ARMC10: variants seen among roughly 807,000 people sequenced by gnomAD.
The protein encoded by ARMC10 is armadillo repeat-containing protein 10.
ARMC10 carries 23 observed loss-of-function variants against 30.2 expected under a neutral mutation model. The observed-to-expected ratio is 0.76, with a 90% confidence interval of 0.55 to 1.08. The LOEUF (loss-of-function observed/expected upper bound fraction) is 1.08. Among genes scored for constraint, ARMC10 ranks in the 50% least tolerant of loss-of-function variants. The pLI is 0.00. For synonymous variants in ARMC10, 111 were observed against 164.4 expected, an observed-to-expected ratio of 0.68 and a Z score of 2.48; for missense variants, 303 against 413.7, an observed-to-expected ratio of 0.73 and a Z score of 2.32.
chr7:103,081,975 CT>C, intron 2 of ARMC10: 3 of 455,566 alleles, frequency 6.6e-6, no homozygotes, highest in East Asian at 6.9e-5. Flanking sequence ...ACCCCTGTGA[CT>C]TTAGGCAGAT....
intron 2 of ARMC10, among the ~76,000 whole-genome samples, chr7:103,076,937 C>T (rs6958836): frequency 0.14 from 20,569 of 152,208 alleles, 1,487 homozygotes; most frequent in Middle Eastern, 0.2. Context: ...CACCCAGGCT[C>T]GGTGCAGTGG....
In ARMC10 at chr7:103,083,589, G is replaced by A. The variant is rs918617837; in HGVS notation, c.245-93G>A. The A allele has an allele frequency of 8.7e-6, 10 of 1,152,032 alleles. No homozygotes were observed. In the East Asian group the frequency reaches 9.7e-5, roughly 11 times the overall value. 71.4% of individuals were successfully genotyped at this position (1,152,032 alleles called of 1,614,324 possible). A position where few individuals can be genotyped will look rare whatever the true frequency, so the allele number is the denominator to read the frequency against. On this transcript the variant is annotated intron_variant, in intron 2 of 6. Coordinates refer to ENST00000323716, the MANE Select transcript of ARMC10 (RefSeq NM_031905.5). ...TGTAGTGAGCCATGATTGTGCCACC[G>A]CACACCAGCCTGGGTGACAGAGTGA...
At chr7:103,077,305 A>T (rs199671764) in intron 2 of ARMC10, among the ~76,000 whole-genome samples, 5 of 130,458 alleles carry the variant, frequency 3.8e-5, no homozygotes, top group African/African-American at 2.7e-5. Context: ...TTTTTTTTTT[A>T]AAGATTTGTA....
At chr7:103,078,962 T>C (rs117455301) in intron 2 of ARMC10, among the ~76,000 whole-genome samples, 4,133 of 152,246 alleles carry the variant, frequency 0.027, 99 homozygotes, top group Non-Finnish European at 0.036. Flanking sequence ...TAAGCTGTGA[T>C]TGTGCCGCTG....
At chr7:103,078,462 A>G (rs1800092248) in intron 2 of ARMC10, among the ~76,000 whole-genome samples, 1 of 152,142 alleles carries the variant, frequency 6.6e-6, no homozygotes, top group Non-Finnish European at 1.5e-5. Flanking sequence ...GCTGCCTATG[A>G]AGAAGGAAGT....
At chr7:103,091,477 G>A (rs1801318431) in intron 4 of ARMC10, among the ~76,000 whole-genome samples, 1 of 88,872 alleles carries the variant, frequency 1.1e-5, no homozygotes. Context: ...ACAATATTAT[G>A]AAGGGGTGAA....
At chr7:103,094,023 CA>C (rs1801564139) in intron 5 of ARMC10, among the ~76,000 whole-genome samples, 1 of 152,130 alleles carries the variant, frequency 6.6e-6, no homozygotes, top group Non-Finnish European at 1.5e-5. Flanking sequence ...ATTGATTTTC[CA>C]TAAAAATTGA....
intron 4 of ARMC10, chr7:103,087,802 T>C: frequency 1.0e-6 from 1 of 984,970 alleles, no homozygotes; most frequent in South Asian, 4.7e-5. Flanking sequence ...TGTGAGGAGC[T>C]ATGCAGAAGT....
chr7:103,091,332 C>G (rs1801304074), intron 4 of ARMC10, among the ~76,000 whole-genome samples: 1 of 151,864 alleles, frequency 6.6e-6, no homozygotes, highest in Non-Finnish European at 1.5e-5. Context: ...CCTTGTCCCC[C>G]CGGAAAAAAA....
At chr7:103,077,553 T>C (rs891661895) in intron 2 of ARMC10, among the ~76,000 whole-genome samples, 2 of 152,128 alleles carry the variant, frequency 1.3e-5, no homozygotes, top group Non-Finnish European at 2.9e-5. Flanking sequence ...CCAGTCCTGC[T>C]CATTAATCCA....
chr7:103,083,719 T>C lies in ARMC10; in HGVS notation c.282T>C (p.Asn94=), dbSNP rs746382759. 2 of 1,613,622 alleles carry C rather than the reference T, an allele frequency of 1.2e-6. No individual in the cohort carries two copies. Among genetic ancestry groups the C allele is most frequent in the Non-Finnish European group, 8.5e-7 (1 of 1,179,528 alleles). The change falls in exon 3 of 7, where the codon AAT becomes AAC. Residue 94 remains asparagine, a synonymous_variant. Coordinates refer to ENST00000323716, the MANE Select transcript of ARMC10 (RefSeq NM_031905.5). ...LTDGSYDDVL[N]AEQLQKLLYL... Reference sequence around the variant, plus strand: ...ATGGTTCATATGATGATGTTCTAAATGCTGAACAACTTCAGAAACTCCTTT... The same window carrying C: ...ATGGTTCATATGATGATGTTCTAAACGCTGAACAACTTCAGAAACTCCTTT...
chr7:103,087,493 A>T (rs914017960), intron 4 of ARMC10, among the ~76,000 whole-genome samples: 2 of 152,242 alleles, frequency 1.3e-5, no homozygotes, highest in Non-Finnish European at 1.5e-5. Context: ...CACTTCAGCC[A>T]TGGCATATAT....
chr7:103,095,353 C>T (rs4729877), intron 5 of ARMC10, among the ~76,000 whole-genome samples: 133,449 of 152,262 alleles, frequency 0.88, 61,179 homozygotes, highest in East Asian at 1. Context: ...CTTGGCCTCC[C>T]AAAGTGCTGG....
chr7:103,081,884 G>A (rs1324402071), intron 2 of ARMC10: 1 of 456,570 alleles, frequency 2.2e-6, no homozygotes, highest in Non-Finnish European at 4.4e-6. Context: ...ATTTGCAGAT[G>A]AGAAAACTGA....
chr7:103,083,574 C>T, intron 2 of ARMC10, 108 bp from the exon 3 acceptor site: 1 of 948,534 alleles, frequency 1.1e-6, no homozygotes, highest in Non-Finnish European at 1.6e-6. Flanking sequence ...TGTAGTGAGC[C>T]ATGATTGTGC....
chr7:103,093,995 A>G (rs757114837), intron 5 of ARMC10, among the ~76,000 whole-genome samples: 8 of 152,232 alleles, frequency 5.3e-5, no homozygotes, highest in Non-Finnish European at 7.3e-5. Context: ...GCCTTGGAAC[A>G]TACCTACCAA....
At chr7:103,081,314 C>T (rs896982625) in intron 2 of ARMC10, among the ~76,000 whole-genome samples, 11 of 152,172 alleles carry the variant, frequency 7.2e-5, no homozygotes, top group Admixed American at 7.2e-4. Context: ...GATTTAATCC[C>T]TAGAAAAATT....
intron 2 of ARMC10, among the ~76,000 whole-genome samples, chr7:103,078,179 G>T (rs2129519797): frequency 6.6e-6 from 1 of 152,186 alleles, no homozygotes; most frequent in East Asian, 1.9e-4. Context: ...TGTATTTTTA[G>T]TAGAGACAGG....
At chr7:103,083,618 C>T (rs939436619) in intron 2 of ARMC10, 64 bp from the exon 3 acceptor site, 13 of 1,427,628 alleles carry the variant, frequency 9.1e-6, no homozygotes, top group Non-Finnish European at 1.3e-5. Flanking sequence ...AGAGTGAGAG[C>T]CTGTTTCAAA....
Sources: gnomAD v4.1 joint callset for allele counts (sites outside exome capture counted in the v4.1 genomes callset) on GRCh38, gnomAD v4.1.1 for gene constraint, MANE v1.5 for transcripts, NCBI Gene and HGNC (gene_info 2026-07-23, HGNC 2026-07-21) for gene names.